The following SNTG2 variants were observed in gnomAD, a reference collection of about 807,000 sequenced individuals.
The protein encoded by SNTG2 is syntrophin gamma 2.
Under a neutral mutation model 70.9 loss-of-function variants are expected in SNTG2, and 74 were observed. The ratio of observed to expected loss-of-function variants is 1.04; its 90% confidence interval spans 0.86 to 1.27. The LOEUF is 1.27. Among genes scored for constraint, SNTG2 ranks in the 50% most tolerant of loss-of-function variants. The pLI is 0.00. For synonymous variants in SNTG2, 278 were observed against 273.8 expected (o/e 1.02, Z -0.15); for missense variants, 717 against 690.7 (o/e 1.04, Z -0.43).
chr2:1,127,672 G>A (rs577551912), intron 4 of SNTG2, among the ~76,000 whole-genome samples: 1 of 151,870 alleles, frequency 6.6e-6, no homozygotes, highest in East Asian at 1.9e-4. Flanking sequence ...CATATCCTTG[G>A]TTAAATTTAT....
chr2:1,076,397 A>G (rs752072753), intron 1 of SNTG2, among the ~76,000 whole-genome samples: 6 of 152,162 alleles, frequency 3.9e-5, no homozygotes, highest in African/African-American at 7.2e-5. Flanking sequence ...GCATTCACTG[A>G]TTCTCTCAAT....
chr2:1,045,749 G>A (rs973134531), intron 1 of SNTG2, among the ~76,000 whole-genome samples: 1 of 152,060 alleles, frequency 6.6e-6, no homozygotes, highest in Non-Finnish European at 1.5e-5. Flanking sequence ...CAGTGTGGAT[G>A]GTATGGTTCA....
Position 1,116,801 on chromosome 2 carries a change from G to A in SNTG2, c.325+18391G>A, listed in dbSNP as rs370793104. ...GGGTGCTCTGGTGTGTGGGTGCCCT[G>A]GTTTACGGGTTTCCTGGTCTGTGGG... On this transcript the variant is annotated intron_variant, in intron 4 of 16. Coordinates refer to ENST00000308624, the MANE Select transcript of SNTG2 (RefSeq NM_018968.4). Among the ~76,000 whole-genome samples, 13 of 145,406 alleles carry A rather than the reference G, an allele frequency of 8.9e-5. 2 individuals are homozygous for A. Among genetic ancestry groups the A allele is most frequent in the African/African-American group, 3.3e-4 (13 of 39,084 alleles).
At chr2:1,116,682 G>A (rs1452727225) in intron 4 of SNTG2, among the ~76,000 whole-genome samples, 1 of 150,234 alleles carries the variant, frequency 6.7e-6, no homozygotes, top group East Asian at 2.0e-4. Context: ...TGGCATGGGG[G>A]TGCTCTGGTG....
intron 8 of SNTG2, among the ~76,000 whole-genome samples, chr2:1,184,656 A>G (rs1672134997): frequency 6.6e-6 from 1 of 152,174 alleles, no homozygotes; most frequent in South Asian, 2.1e-4. Context: ...ACAGTTTTAA[A>G]CAACCAGATC....
At chr2:981,233 C>A (rs1661085709) in intron 1 of SNTG2, among the ~76,000 whole-genome samples, 1 of 152,198 alleles carries the variant, frequency 6.6e-6, no homozygotes, top group Admixed American at 6.5e-5. Flanking sequence ...GCCTGTTCTC[C>A]TCAAGGCTCA....
intron 14 of SNTG2, among the ~76,000 whole-genome samples, chr2:1,292,538 G>T (rs1467522181): frequency 6.6e-6 from 1 of 152,048 alleles, no homozygotes; most frequent in Admixed American, 6.5e-5. Context: ...AGTTTGTTGG[G>T]TGTTTTATAT....
At chr2:1,134,744 G>C (rs1021001511) in intron 4 of SNTG2, among the ~76,000 whole-genome samples, 1 of 152,194 alleles carries the variant, frequency 6.6e-6, no homozygotes, top group Non-Finnish European at 1.5e-5. Flanking sequence ...GCCATTGGGT[G>C]GTTGATGGGA....
intron 14 of SNTG2, among the ~76,000 whole-genome samples, chr2:1,274,792 G>T (rs7572104): frequency 0.3 from 46,273 of 152,122 alleles, 7,956 homozygotes; most frequent in African/African-American, 0.47. Context: ...AAGGGGAATC[G>T]GCCTGGCTGC....
intron 14 of SNTG2, among the ~76,000 whole-genome samples, chr2:1,274,740 C>T (rs1221636513): frequency 6.6e-6 from 1 of 152,186 alleles, no homozygotes; most frequent in African/African-American, 2.4e-5. Context: ...ATTGCACATT[C>T]ACATTTGTCA....
At chr2:1,149,359 T>C (rs1572568692) in intron 6 of SNTG2, among the ~76,000 whole-genome samples, 1 of 152,174 alleles carries the variant, frequency 6.6e-6, no homozygotes, top group Non-Finnish European at 1.5e-5. Context: ...GAAGAGATAC[T>C]GAAAGTGGCC....
At chr2:1,219,222 C>T (rs1000344419) in intron 9 of SNTG2, among the ~76,000 whole-genome samples, 2 of 152,182 alleles carry the variant, frequency 1.3e-5, no homozygotes, top group Non-Finnish European at 2.9e-5. Context: ...TCCCCCTTTG[C>T]CTTCCGCCAT....
intron 15 of SNTG2, among the ~76,000 whole-genome samples, chr2:1,309,618 C>A (rs1194584200): frequency 1.3e-5 from 2 of 152,272 alleles, no homozygotes; most frequent in Admixed American, 1.3e-4. Flanking sequence ...CCAGGGCCTA[C>A]TGGGCAATAG....
rs528150575 is a variant in SNTG2, at chr2:1,223,906, T to A, written c.720-13982T>A. On this transcript the variant is annotated intron_variant, in intron 9 of 16. Transcript: ENST00000308624. The stretch of plus-strand genomic sequence containing the variant: ...GGTGGCCTTATGCAGCAGACATGCG[T>A]CCCTCGAGCTCTGGAGGCCGTAGCC... 3.9e-4 allele frequency among the ~76,000 whole-genome samples: 51 copies of A among 129,790 alleles called. 1 individual carries two copies. Among genetic ancestry groups the A allele is most frequent in the Non-Finnish European group, 7.4e-4 (41 of 55,164 alleles). 85.1% of individuals were successfully genotyped at this position (129,790 alleles called of 152,430 possible).
intron 1 of SNTG2, among the ~76,000 whole-genome samples, chr2:986,740 A>C (rs1394510434): frequency 9.3e-6 from 1 of 107,388 alleles, no homozygotes; most frequent in Non-Finnish European, 2.0e-5. Flanking sequence ...CTTTTAGTAG[A>C]AAAGATAAAA....
At chr2:1,255,675 A>G (rs985946325) in intron 12 of SNTG2, among the ~76,000 whole-genome samples, 4 of 151,706 alleles carry the variant, frequency 2.6e-5, no homozygotes, top group African/African-American at 9.7e-5. Context: ...CAAACACACT[A>G]GGAGTGCCCT....
chr2:1,227,323 A>G (rs1444952635), intron 9 of SNTG2, among the ~76,000 whole-genome samples: 43 of 152,238 alleles, frequency 2.8e-4, no homozygotes, highest in Admixed American at 2.8e-3. Flanking sequence ...CAGGGTAGGA[A>G]GGATTCCTAT....
chr2:1,133,478 G>T lies in SNTG2; in HGVS notation c.326-4144G>T, dbSNP rs549066050. Reference sequence around the variant, plus strand: ...TCATTACAGCATTTTGCAGGAGTTTGAATATTTATATGGATTAAAATGCAT... The same window carrying T: ...TCATTACAGCATTTTGCAGGAGTTTTAATATTTATATGGATTAAAATGCAT... On this transcript the variant is annotated intron_variant, in intron 4 of 16. Coordinates refer to ENST00000308624, the MANE Select transcript of SNTG2 (RefSeq NM_018968.4). Among the ~76,000 whole-genome samples the T allele has an allele frequency of 5.5e-4, 84 of 152,258 alleles. 1 individual carries two copies. The highest frequency in any genetic ancestry group is 2.0e-3 in the African/African-American group (82 of 41,552).
intron 2 of SNTG2, among the ~76,000 whole-genome samples, chr2:1,088,699 A>T (rs1664832428): frequency 6.6e-6 from 1 of 152,214 alleles, no homozygotes; most frequent in Admixed American, 6.5e-5. Flanking sequence ...CTGTAATATG[A>T]ATTCTTCCCT....
Sources: allele counts gnomAD v4.1 joint callset (sites outside exome capture counted in the v4.1 genomes callset), GRCh38; gene constraint gnomAD v4.1.1; transcripts MANE v1.5; gene names NCBI Gene and HGNC (gene_info 2026-07-23, HGNC 2026-07-21).